KIAA0513: variants seen among roughly 807,000 people sequenced by gnomAD.
The protein encoded by KIAA0513 is KIAA0513.
In KIAA0513, 39 loss-of-function variants were observed where a neutral mutation model predicts 56.5. The observed-to-expected ratio is 0.69, with a 90% CI of 0.53 to 0.90. The LOEUF (loss-of-function observed/expected upper bound fraction) is 0.90, where lower values mean the gene tolerates loss of function less well. Ranked by LOEUF, KIAA0513 falls within the 40% of genes least tolerant of loss-of-function variation. KIAA0513 has a pLI of 0.00. For synonymous variants in KIAA0513, 268 were observed against 215.6 expected, an observed-to-expected ratio of 1.24 and a Z score of -2.13; for missense variants, 591 against 535.2, an observed-to-expected ratio of 1.10 and a Z score of -1.03.
rs1212011043 is a variant in KIAA0513, at chr16:85,030,795, G to A, written c.-173+2937G>A. 4.0e-5 allele frequency among the ~76,000 whole-genome samples: 6 copies of A among 151,688 alleles called. No homozygotes were observed. The East Asian group carries it at 7.7e-4, about 20-fold the overall frequency. On this transcript the variant is annotated intron_variant, in intron 1 of 12. Transcript: ENST00000683363. ...AGGCATGGTGTTCTCATGAGGGAAG[G>A]ACAAGTTTTAATCCCACTTTCTAAA...
In KIAA0513 at chr16:85,068,954, A is replaced by G. The variant is rs866649623; in HGVS notation, c.329+1554A>G. Among the ~76,000 whole-genome samples the G allele has an allele frequency of 7.2e-5, 11 of 152,160 alleles. 1 individual carries two copies. Among genetic ancestry groups the G allele is most frequent in the South Asian group, 4.1e-4 (2 of 4,828 alleles). ...AGCTATAGTTGGCTAAGAGGTTGCA[A>G]TGATTCACTGAAATTAAATATAGGG... On this transcript the variant is annotated intron_variant, in intron 2 of 12. Coordinates refer to ENST00000683363, the MANE Select transcript of KIAA0513 (RefSeq NM_001388359.1).
At chr16:85,066,160 G>A (rs573762882) in intron 1 of KIAA0513, among the ~76,000 whole-genome samples, 28 of 152,218 alleles carry the variant, frequency 1.8e-4, no homozygotes, top group Admixed American at 5.9e-4. Context: ...CATTCATGTT[G>A]AATAGGAGCA....
At chr16:85,075,103 A>G (rs2073637008) in intron 4 of KIAA0513, among the ~76,000 whole-genome samples, 1 of 112,580 alleles carries the variant, frequency 8.9e-6, no homozygotes, top group African/African-American at 3.1e-5. Flanking sequence ...TTAGTTTTAT[A>G]ATCTTTAGTT....
rs112419510 is a variant in KIAA0513 at position 85,076,986 on chromosome 16, C to A, written c.575-439C>A. 5.0e-3 allele frequency among the ~76,000 whole-genome samples: 759 copies of A among 152,246 alleles called. 3 individuals carry two copies. Among genetic ancestry groups the A allele is most frequent in the Non-Finnish European group, 7.8e-3 (530 of 67,992 alleles). On this transcript the variant is annotated intron_variant, in intron 5 of 12. Transcript: ENST00000683363. This position sits in a 1 kb window ranked among gnomAD's most constrained non-coding sequence, Gnocchi z 4.7. ...CCAGGGCCTCATGTCCATCCACTGG[C>A]TAAGGGAGTTTGGGTGCTGCCCAGA...
chr16:85,032,273 C>T (rs1421303513), intron 1 of KIAA0513, among the ~76,000 whole-genome samples: 2 of 152,240 alleles, frequency 1.3e-5, no homozygotes, highest in African/African-American at 4.8e-5. Flanking sequence ...TCCTGTGGGT[C>T]TGCCTCTCTT....
At position 85,091,695 on chromosome 16, in the gene KIAA0513, T is replaced by G. The variant is rs1351449430; in HGVS notation, c.*3370T>G. The G allele has an allele frequency of 6.6e-6, 1 of 152,150 alleles. No homozygotes were observed. The highest frequency in any genetic ancestry group is 1.5e-5 in the Non-Finnish European group (1 of 68,046). 9.4% of individuals were successfully genotyped at this position (152,150 alleles called of 1,614,324 possible). A position where few individuals can be genotyped will look rare whatever the true frequency, so the allele number is the denominator to read the frequency against. On this transcript the variant is annotated 3_prime_UTR_variant, in exon 13 of 13. Transcript: ENST00000683363. ...TCGCTCACTCCTCCCAGCCCAGTAATGCTGAGGAGTTCAGTTGTGAGGAAA... is the reference window on the plus strand; with the variant it reads ...TCGCTCACTCCTCCCAGCCCAGTAAGGCTGAGGAGTTCAGTTGTGAGGAAA...
At chr16:85,058,751 A>G (rs1419216329) in intron 1 of KIAA0513, among the ~76,000 whole-genome samples, 3 of 152,206 alleles carry the variant, frequency 2.0e-5, no homozygotes, top group Admixed American at 6.5e-5. Context: ...AGATCTTGTT[A>G]GAGACCTTGT....
At chr16:85,073,059 C>A (rs1451176992) in intron 4 of KIAA0513, 61 bp downstream of exon 4, 2 of 1,363,246 alleles carry the variant, frequency 1.5e-6, no homozygotes, top group Admixed American at 1.7e-5. Context: ...TCCCTGCCTC[C>A]CTCCCCACCC....
intron 1 of KIAA0513, among the ~76,000 whole-genome samples, chr16:85,042,338 T>G (rs1438253410): frequency 6.6e-6 from 1 of 152,162 alleles, no homozygotes; most frequent in East Asian, 1.9e-4. Context: ...AGGTTGAGTC[T>G]TTTCCCATGG....
intron 1 of KIAA0513, among the ~76,000 whole-genome samples, chr16:85,034,715 A>T (rs1036133112): frequency 2.6e-5 from 4 of 152,178 alleles, no homozygotes; most frequent in Non-Finnish European, 5.9e-5. Flanking sequence ...CTGTGTGCCC[A>T]GTGCCTTATG....
At chr16:85,056,622 C>T (rs2073333476) in intron 1 of KIAA0513, among the ~76,000 whole-genome samples, 4 of 152,254 alleles carry the variant, frequency 2.6e-5, no homozygotes, top group Admixed American at 1.3e-4. Context: ...TGCATTCCTC[C>T]GGGCCGCGCT....
At chr16:85,039,441 C>T (rs2073077531) in intron 1 of KIAA0513, among the ~76,000 whole-genome samples, 1 of 152,042 alleles carries the variant, frequency 6.6e-6, no homozygotes, top group Admixed American at 6.6e-5. Flanking sequence ...TAACTGGGAC[C>T]ATAGGCATGT....
chr16:85,036,181 A>G (rs570981122), intron 1 of KIAA0513, among the ~76,000 whole-genome samples: 4 of 152,224 alleles, frequency 2.6e-5, no homozygotes, highest in South Asian at 2.1e-4. Flanking sequence ...CTTATTGAGT[A>G]TGTTTTAGAT....
chr16:85,079,712 G>A (rs2073714399), intron 8 of KIAA0513: 1 of 152,280 alleles, frequency 6.6e-6, no homozygotes, highest in African/African-American at 2.4e-5. Context: ...TCTGGAAATG[G>A]TGGTGGCTGC....
intron 6 of KIAA0513, 40 bp from the exon 7 acceptor site, chr16:85,078,375 G>A (rs1225185750): frequency 3.1e-6 from 5 of 1,611,554 alleles, no homozygotes; most frequent in Admixed American, 3.3e-5. Flanking sequence ...AAAGTGTGGT[G>A]TGAGTCGCGT....
rs371458322 is a variant in KIAA0513, at chr16:85,076,496, C to G, written c.574+582C>G. Among the ~76,000 whole-genome samples, 37 of 152,294 alleles carry G rather than the reference C, an allele frequency of 2.4e-4. No individual in the cohort carries two copies. Among genetic ancestry groups the G allele is most frequent in the African/African-American group, 8.9e-4 (37 of 41,562 alleles). ...GTCTCCTTGGGCTGCAGCAACAGGA[C>G]TCATTCAGGCCACCATAGGTGGGAG... On this transcript the variant is annotated intron_variant, in intron 5 of 12. Transcript: ENST00000683363. The surrounding 1 kb of genome is among the most constrained non-coding windows in gnomAD (Gnocchi z 4.7).
intron 1 of KIAA0513, among the ~76,000 whole-genome samples, chr16:85,047,042 G>A (rs938976509): frequency 1.6e-4 from 24 of 152,196 alleles, no homozygotes; most frequent in African/African-American, 5.8e-4. Flanking sequence ...AGGAAGCTGT[G>A]GTTCCTGATT....
Position 85,067,105 on chromosome 16 carries a change from A to T in KIAA0513, c.34A>T (p.Ile12Phe). 2 of 1,605,966 alleles carry T rather than the reference A, an allele frequency of 1.2e-6. No homozygotes were observed. The highest frequency in any genetic ancestry group is 8.5e-7 in the Non-Finnish European group (1 of 1,174,938). The change falls in exon 2 of 13, where the codon ATC (isoleucine) becomes TTC (phenylalanine). Residue 12 changes from isoleucine to phenylalanine, a missense_variant. Coordinates refer to ENST00000683363, the MANE Select transcript of KIAA0513 (RefSeq NM_001388359.1). ...CCCAGAGGTCCCCGTGGGCTCGCTAATCGACTTTGGGCCTGAGGCACCCAC... is the reference window on the plus strand; with the variant it reads ...CCCAGAGGTCCCCGTGGGCTCGCTATTCGACTTTGGGCCTGAGGCACCCAC... ...ETPEVPVGSL[I>F]DFGPEAPTSS...
chr16:85,072,910 C>T lies in KIAA0513; in HGVS notation c.430-15C>T, dbSNP rs1424936243. 6.2e-7 allele frequency: 1 copy of T among 1,613,766 alleles called. No individual in the cohort carries two copies. The highest frequency in any genetic ancestry group is 8.5e-7 in the Non-Finnish European group (1 of 1,179,638). ...GCCCTGAACCTCAATGATGTGTCTG[C>T]CTCTTTCTGGACAGCGCTGCAACTC... is the stretch of plus-strand genomic sequence containing the variant. On this transcript the variant is annotated splice_polypyrimidine_tract_variant and intron_variant, in intron 3 of 12. Coordinates refer to ENST00000683363, the MANE Select transcript of KIAA0513 (RefSeq NM_001388359.1).
Sources: gnomAD v4.1 joint callset for allele counts (sites outside exome capture counted in the v4.1 genomes callset) on GRCh38, gnomAD v4.1.1 for gene constraint, Gnocchi (gnomAD v3.1) non-coding constraint, MANE v1.5 for transcripts, NCBI Gene and HGNC (gene_info 2026-07-23, HGNC 2026-07-21) for gene names.